The following KCNQ4 variants were observed in gnomAD, a reference collection of about 807,000 sequenced individuals.
The protein encoded by KCNQ4 is potassium voltage-gated channel subfamily Q member 4.
Under a neutral mutation model 72.6 loss-of-function variants are expected in KCNQ4, and 31 were observed. The ratio of observed to expected loss-of-function variants is 0.43; its 90% CI spans 0.32 to 0.58. The LOEUF (loss-of-function observed/expected upper bound fraction) is 0.58. Ranked by LOEUF, KCNQ4 falls within the 20% of genes least tolerant of loss-of-function variation. KCNQ4 has a pLI of 0.08. For synonymous variants in KCNQ4, 405 were observed against 403.7 expected (o/e 1.00, Z -0.04); for missense variants, 869 against 962.6 (o/e 0.90, Z 1.29).
intron 4 of KCNQ4, chr1:40,819,069 G>A (rs2148318965): frequency 1.9e-6 from 1 of 532,542 alleles, no homozygotes; most frequent in Non-Finnish European, 3.5e-6. Flanking sequence ...TGGGGGACGG[G>A]GCAAGGTAGG....
rs373652215 is a variant in KCNQ4, at chr1:40,831,257, C to T, written c.1466C>T (p.Thr489Ile). The change falls in exon 10 of 14, where the codon ACC becomes ATC. Residue 489 changes from threonine (T) to isoleucine (I), a missense_variant. Physicochemically the swap from Thr to Ile is moderately conservative, Grantham distance 89. Transcript: ENST00000347132. ...AAGAGCTGGAGCTTCAATGACCGCA[C>T]CCGCTTCCGGGCATCTCTGAGACTC... is the stretch of plus-strand genomic sequence containing the variant. ...VQKSWSFNDR[T>I]RFRASLRLKP... 5 of 1,608,272 alleles carry T rather than the reference C, an allele frequency of 3.1e-6. No homozygotes were observed. Among genetic ancestry groups the T allele is most frequent in the South Asian group, 1.1e-5 (1 of 89,798 alleles).
intron 9 of KCNQ4, among the ~76,000 whole-genome samples, chr1:40,825,400 C>T (rs555251181): frequency 1.1e-3 from 161 of 152,302 alleles, no homozygotes; most frequent in African/African-American, 3.5e-3. Context: ...GGCGGAAAAT[C>T]GGCAGTGTTT....
chr1:40,796,849 T>C (rs912946633), intron 1 of KCNQ4, among the ~76,000 whole-genome samples: 4 of 151,656 alleles, frequency 2.6e-5, no homozygotes, highest in African/African-American at 7.3e-5. Flanking sequence ...ACCCGGGAGG[T>C]AGAGGTTGCA....
intron 1 of KCNQ4, among the ~76,000 whole-genome samples, chr1:40,801,014 G>A (rs529311448): frequency 6.6e-6 from 1 of 152,328 alleles, no homozygotes; most frequent in Admixed American, 6.5e-5. Context: ...AGCCTCAAAC[G>A]CTGGTCTAAG....
chr1:40,824,520 C>T (rs1648418175), intron 9 of KCNQ4, among the ~76,000 whole-genome samples: 2 of 152,194 alleles, frequency 1.3e-5, no homozygotes, highest in East Asian at 1.9e-4. Flanking sequence ...CCATCATCTC[C>T]TCCGTTCATG....
chr1:40,810,744 G>A (rs1284243000), intron 1 of KCNQ4, among the ~76,000 whole-genome samples: 1 of 152,086 alleles, frequency 6.6e-6, no homozygotes, highest in Non-Finnish European at 1.5e-5. Context: ...TGAGCTGATG[G>A]CCGATCCTCT....
At chr1:40,785,520 G>C (rs1647193567) in intron 1 of KCNQ4, among the ~76,000 whole-genome samples, 2 of 152,160 alleles carry the variant, frequency 1.3e-5, no homozygotes, top group African/African-American at 4.8e-5. Flanking sequence ...TGGCCTGGCT[G>C]TCCCTCTGCC....
chr1:40,787,467 C>T (rs1025967967), intron 1 of KCNQ4, among the ~76,000 whole-genome samples: 3 of 152,258 alleles, frequency 2.0e-5, no homozygotes, highest in South Asian at 2.1e-4. Flanking sequence ...TCTGCCAGCC[C>T]GTCCCCTCTG....
intron 1 of KCNQ4, among the ~76,000 whole-genome samples, chr1:40,808,403 C>T (rs185298298): frequency 1.1e-4 from 17 of 152,332 alleles, no homozygotes; most frequent in Non-Finnish European, 2.1e-4. Flanking sequence ...TGTTCCAGGT[C>T]TGAAGAGCCA....
At position 40,794,472 on chromosome 1, in the gene KCNQ4, T is replaced by C. The variant is rs550186978; in HGVS notation, c.314+10065T>C. On this transcript the variant is annotated intron_variant, in intron 1 of 13. Coordinates refer to ENST00000347132, the MANE Select transcript of KCNQ4 (RefSeq NM_004700.4). This position sits in a 1 kb window ranked among gnomAD's most constrained non-coding sequence, Gnocchi z 4.2. ...CTCAAAGAAGAGAAACACCACATAC[T>C]AAGTTACACAGCTTGTCTGTGGTCG... is the stretch of plus-strand genomic sequence containing the variant. Among the ~76,000 whole-genome samples the C allele has an allele frequency of 1.3e-5, 2 of 152,186 alleles. No individual in the cohort carries two copies. Among genetic ancestry groups the C allele is most frequent in the African/African-American group, 4.8e-5 (2 of 41,444 alleles).
chr1:40,816,572 C>T lies in KCNQ4; in HGVS notation c.315-693C>T, dbSNP rs144465358. The stretch of plus-strand genomic sequence containing the variant: ...ATGTGCTAGGGTCTAAAGTTCCTTC[C>T]ATTTCTATGTCTCTGGTTCTGGGCC... On this transcript the variant is annotated intron_variant, in intron 1 of 13. Coordinates refer to ENST00000347132, the MANE Select transcript of KCNQ4 (RefSeq NM_004700.4). 3.2e-3 allele frequency among the ~76,000 whole-genome samples: 487 copies of T among 152,234 alleles called. 5 individuals are homozygous for T. The highest frequency in any genetic ancestry group is 4.3e-3 in the Non-Finnish European group (294 of 68,016).
At chr1:40,807,127 C>T (rs908450966) in intron 1 of KCNQ4, among the ~76,000 whole-genome samples, 3 of 152,144 alleles carry the variant, frequency 2.0e-5, no homozygotes, top group African/African-American at 7.2e-5. Flanking sequence ...ACTTGTCAGG[C>T]TAACGGGAAT....
rs1178671679 is a variant in KCNQ4, at chr1:40,818,619, G to T, written c.647G>T (p.Arg216Leu). ...MRFLQILRMV[R>L]MDRRGGTWKL... Reference sequence around the variant, plus strand: ...TTCCTGCAGATCCTGCGCATGGTGCGCATGGACCGCCGCGGCGGCACCTGG... The same window carrying T: ...TTCCTGCAGATCCTGCGCATGGTGCTCATGGACCGCCGCGGCGGCACCTGG... Residue 216 changes from arginine to leucine, a missense_variant, in exon 4 of 14, where the codon CGC becomes CTC. Physicochemically the swap from Arg to Leu is moderately radical, Grantham distance 102. Transcript: ENST00000347132. 6.2e-7 allele frequency: 1 copy of T among 1,606,602 alleles called. No homozygotes were observed. Among genetic ancestry groups the T allele is most frequent in the Admixed American group, 1.7e-5 (1 of 59,942 alleles).
chr1:40,798,782 C>G (rs1647486950), intron 1 of KCNQ4, among the ~76,000 whole-genome samples: 2 of 152,266 alleles, frequency 1.3e-5, no homozygotes, highest in Non-Finnish European at 2.9e-5. Context: ...CAAGCCACAC[C>G]AACCCCTGTG....
chr1:40,796,585 T>C (rs1175731945), intron 1 of KCNQ4, among the ~76,000 whole-genome samples: 2 of 152,114 alleles, frequency 1.3e-5, no homozygotes, highest in African/African-American at 4.8e-5. Context: ...TGCCTGCTTC[T>C]AATGGGGGGT....
chr1:40,792,768 A>G (rs1307498223), intron 1 of KCNQ4, among the ~76,000 whole-genome samples: 4 of 152,076 alleles, frequency 2.6e-5, no homozygotes, highest in Admixed American at 6.5e-5. Context: ...GGGGGTATCA[A>G]TCCCTCCCCT....
At position 40,788,639 on chromosome 1, in the gene KCNQ4, C is replaced by T. The variant is rs1227687091; in HGVS notation, c.314+4232C>T. Among the ~76,000 whole-genome samples the T allele has an allele frequency of 6.6e-6, 1 of 152,158 alleles. No homozygotes were observed. The highest frequency in any genetic ancestry group is 1.5e-5 in the Non-Finnish European group (1 of 68,016). ...AGCGGGGGCTGACTGGGAGCTGTTG[C>T]GCTCAGCACCACAGCCTCAGCTAGC... On this transcript the variant is annotated intron_variant, in intron 1 of 13. Coordinates refer to ENST00000347132, the MANE Select transcript of KCNQ4 (RefSeq NM_004700.4). This position sits in a 1 kb window ranked among gnomAD's most constrained non-coding sequence, Gnocchi z 4.5.
intron 1 of KCNQ4, among the ~76,000 whole-genome samples, chr1:40,809,072 C>T (rs182694643): frequency 2.0e-5 from 3 of 152,338 alleles, no homozygotes; most frequent in East Asian, 1.9e-4. Flanking sequence ...ACATTTTTCA[C>T]GCCTTATCTC....
chr1:40,821,360 G>A (rs767007451), intron 7 of KCNQ4, among the ~76,000 whole-genome samples: 7 of 152,224 alleles, frequency 4.6e-5, no homozygotes, highest in Non-Finnish European at 1.0e-4. Context: ...TTAAGGACAA[G>A]AGGCATCCAA....
Sources: allele counts gnomAD v4.1 joint callset (sites outside exome capture counted in the v4.1 genomes callset), GRCh38; gene constraint gnomAD v4.1.1; non-coding constraint Gnocchi (gnomAD v3.1); transcripts MANE v1.5; gene names NCBI Gene and HGNC (gene_info 2026-07-23, HGNC 2026-07-21).